TRIM71: variants seen among roughly 807,000 people sequenced by gnomAD.
TRIM71 encodes the protein tripartite motif containing 71.
A neutral mutation model predicts 61.2 loss-of-function variants in TRIM71; 9 were observed. That is an observed-to-expected ratio of 0.15 (90% CI 0.09 to 0.26). The LOEUF (loss-of-function observed/expected upper bound fraction) is 0.26, where lower values mean the gene tolerates loss of function less well. Among genes scored for constraint, TRIM71 ranks in the 10% least tolerant of loss-of-function variants. The pLI, the probability that TRIM71 is intolerant of heterozygous loss-of-function variation, is 1.00. For missense variants in TRIM71, 998 were observed against 1,238.7 expected (o/e 0.81, Z 2.92); for synonymous variants, 645 against 553.2 (o/e 1.17, Z -2.33).
chr3:32,818,094 C>T lies in TRIM71; in HGVS notation c.14C>T (p.Pro5Leu). The T allele has an allele frequency of 6.2e-7, 1 of 1,610,378 alleles. No homozygotes were observed. Among genetic ancestry groups the T allele is most frequent in the Non-Finnish European group, 8.5e-7 (1 of 1,178,068 alleles). The change falls in exon 1 of 4, where the codon CCC (proline) becomes CTC (leucine). Residue 5 changes from proline (P) to leucine (L), a missense_variant. Coordinates refer to ENST00000383763, the MANE Select transcript of TRIM71 (RefSeq NM_001039111.3). MASF[P>L]ETDFQICLLC... ...GCTGGGTTGCAAATGGCTTCGTTCC[C>T]CGAGACCGATTTCCAGATCTGCTTG...
intron 3 of TRIM71, among the ~76,000 whole-genome samples, chr3:32,888,886 G>T (rs1040709072): frequency 1.3e-5 from 2 of 152,172 alleles, no homozygotes; most frequent in Non-Finnish European, 2.9e-5. Context: ...AGCTGTGGTT[G>T]TGAAATGCTG....
At chr3:32,832,198 G>C (rs1696280528) in intron 1 of TRIM71, among the ~76,000 whole-genome samples, 1 of 152,180 alleles carries the variant, frequency 6.6e-6, no homozygotes, top group South Asian at 2.1e-4. Context: ...CATGCACAGT[G>C]GTTCATGCCT....
At chr3:32,867,609 T>C (rs1354146859) in intron 1 of TRIM71, among the ~76,000 whole-genome samples, 2 of 152,154 alleles carry the variant, frequency 1.3e-5, no homozygotes, top group African/African-American at 4.8e-5. Context: ...TAAACCAGCA[T>C]CCCCAGCCAG....
At chr3:32,885,428 G>A (rs1167132288) in intron 2 of TRIM71, among the ~76,000 whole-genome samples, 1 of 152,158 alleles carries the variant, frequency 6.6e-6, no homozygotes, top group African/African-American at 2.4e-5. Context: ...CTTGGTGTTC[G>A]TTCTGGCTGG....
intron 1 of TRIM71, among the ~76,000 whole-genome samples, chr3:32,870,125 G>C (rs1696779864): frequency 6.6e-6 from 1 of 152,194 alleles, no homozygotes; most frequent in African/African-American, 2.4e-5. Context: ...TGTTTTAACA[G>C]CTCTAAAATT....
chr3:32,835,229 G>A (rs752685855), intron 1 of TRIM71, among the ~76,000 whole-genome samples: 10 of 152,198 alleles, frequency 6.6e-5, no homozygotes, highest in African/African-American at 9.6e-5. Flanking sequence ...TTTTGCATGT[G>A]TAACATGATG....
At chr3:32,833,819 C>T (rs1481665981) in intron 1 of TRIM71, among the ~76,000 whole-genome samples, 1 of 151,858 alleles carries the variant, frequency 6.6e-6, no homozygotes, top group Non-Finnish European at 1.5e-5. Flanking sequence ...AATTCATATG[C>T]AGACAGTGCT....
At chr3:32,884,845 T>G (rs1696943918) in intron 2 of TRIM71, among the ~76,000 whole-genome samples, 1 of 152,136 alleles carries the variant, frequency 6.6e-6, no homozygotes, top group Non-Finnish European at 1.5e-5. Flanking sequence ...AATAACAGTG[T>G]TTTACTCTGT....
intron 1 of TRIM71, among the ~76,000 whole-genome samples, chr3:32,819,725 C>G (rs1245816481): frequency 6.6e-6 from 1 of 152,186 alleles, no homozygotes; most frequent in Non-Finnish European, 1.5e-5. Context: ...TTACCTTCAC[C>G]AGCCTGAGTC....
rs142672498 is a variant in TRIM71, at chr3:32,826,221, G to A, written c.852+7289G>A. Among the ~76,000 whole-genome samples the A allele has an allele frequency of 2.6e-5, 4 of 152,292 alleles. No individual in the cohort carries two copies. In the East Asian group the frequency reaches 7.7e-4, roughly 29 times the overall value. On this transcript the variant is annotated intron_variant, in intron 1 of 3. Transcript: ENST00000383763. The stretch of plus-strand genomic sequence containing the variant: ...CGCCTGCAATCCCAGCACTTTGGGA[G>A]GCTGACGTGGGCAGATCACATAAGG...
At chr3:32,853,177 C>T (rs1246050056) in intron 1 of TRIM71, among the ~76,000 whole-genome samples, 2 of 151,012 alleles carry the variant, frequency 1.3e-5, no homozygotes, top group South Asian at 2.1e-4. Context: ...ACTGCAGTGG[C>T]ACCATCTCAG....
chr3:32,871,233 C>T (rs533675093), intron 1 of TRIM71, among the ~76,000 whole-genome samples: 1 of 152,254 alleles, frequency 6.6e-6, no homozygotes, highest in East Asian at 1.9e-4. Flanking sequence ...CAGATGGTTC[C>T]ATAGCCAGGT....
At chr3:32,866,566 G>A in intron 1 of TRIM71, among the ~76,000 whole-genome samples, 1 of 152,174 alleles carries the variant, frequency 6.6e-6, no homozygotes, top group East Asian at 1.9e-4. Flanking sequence ...AGAGCTGTGT[G>A]TTCAGGAGAA....
chr3:32,879,790 T>TAGTG (rs1359729037), intron 2 of TRIM71, among the ~76,000 whole-genome samples: 1 of 151,268 alleles, frequency 6.6e-6, no homozygotes, highest in Non-Finnish European at 1.5e-5. Flanking sequence ...CTGAGCAACA[T>TAGTG]AGTGAGATCT....
In TRIM71 at chr3:32,891,851, T is replaced by G. The variant is rs756290129; in HGVS notation, c.*40T>G. Reference sequence around the variant, plus strand: ...TTTCTGTGTTTGGGGTGTGTGTGCGTGTCTCTCTCTCTCTCTCTCTCTTTC... The same window carrying G: ...TTTCTGTGTTTGGGGTGTGTGTGCGGGTCTCTCTCTCTCTCTCTCTCTTTC... On this transcript the variant is annotated 3_prime_UTR_variant, in exon 4 of 4. Transcript: ENST00000383763. The surrounding 1 kb of genome is among the most constrained non-coding windows in gnomAD (Gnocchi z 8.2). 3.2e-5 allele frequency: 51 copies of G among 1,575,934 alleles called. No individual in the cohort carries two copies. Among genetic ancestry groups the G allele is most frequent in the Non-Finnish European group, 4.0e-5 (47 of 1,162,318 alleles).
chr3:32,831,622 T>C (rs1211800023), intron 1 of TRIM71, among the ~76,000 whole-genome samples: 1 of 138,452 alleles, frequency 7.2e-6, no homozygotes, highest in African/African-American at 2.7e-5. Context: ...CTCTGCAACC[T>C]CCGACTCGGG....
intron 1 of TRIM71, among the ~76,000 whole-genome samples, chr3:32,826,907 T>G (rs549183890): frequency 6.6e-6 from 1 of 151,942 alleles, no homozygotes; most frequent in East Asian, 1.9e-4. Flanking sequence ...GGACTACAGG[T>G]GCCTGCCACC....
At chr3:32,836,532 TGATA>T (rs1022642027) in intron 1 of TRIM71, among the ~76,000 whole-genome samples, 3 of 152,240 alleles carry the variant, frequency 2.0e-5, no homozygotes, top group African/African-American at 7.2e-5. Flanking sequence ...ATTTTTAGTG[TGATA>T]GATGTTTACT....
chr3:32,872,091 G>A (rs979415273), intron 1 of TRIM71, among the ~76,000 whole-genome samples: 3 of 152,152 alleles, frequency 2.0e-5, no homozygotes, highest in African/African-American at 7.2e-5. Flanking sequence ...AGCTTGCAGT[G>A]AGCCGAGATC....
Sources: gnomAD v4.1 joint callset for allele counts (sites outside exome capture counted in the v4.1 genomes callset) on GRCh38, gnomAD v4.1.1 for gene constraint, Gnocchi (gnomAD v3.1) non-coding constraint, MANE v1.5 for transcripts, NCBI Gene and HGNC (gene_info 2026-07-23, HGNC 2026-07-21) for gene names.